The following RASGRF2 variants were observed in gnomAD, a reference collection of about 807,000 sequenced individuals.
RASGRF2 encodes the protein ras-specific guanine nucleotide-releasing factor 2.
In RASGRF2, 76 loss-of-function variants were observed where a neutral mutation model predicts 151.0. That is an observed-to-expected ratio of 0.50 (90% CI 0.42 to 0.61). The LOEUF (loss-of-function observed/expected upper bound fraction) is 0.61, where lower values mean the gene tolerates loss of function less well. Among genes scored for constraint, RASGRF2 ranks in the 20% least tolerant of loss-of-function variants. The probability of loss-of-function intolerance (pLI) is 0.00; values close to 1 mark genes in which losing one functional copy is unlikely to be tolerated. For missense variants in RASGRF2, 1,148 were observed against 1,564.6 expected (o/e 0.73, Z 4.49); for synonymous variants, 504 against 566.5 (o/e 0.89, Z 1.57).
At chr5:81,077,270 G>T (rs1751966884) in intron 5 of RASGRF2, among the ~76,000 whole-genome samples, 1 of 152,202 alleles carries the variant, frequency 6.6e-6, no homozygotes, top group South Asian at 2.1e-4. Context: ...AAGGTCTAGA[G>T]TACAATCAAA....
At chr5:81,159,235 A>C (rs962396812) in intron 17 of RASGRF2, among the ~76,000 whole-genome samples, 2 of 152,240 alleles carry the variant, frequency 1.3e-5, no homozygotes, top group Non-Finnish European at 2.9e-5. Context: ...GCTAAGTTAG[A>C]GGTTGGCAAA....
At chr5:81,206,976 G>A in intron 20 of RASGRF2, 71 bp downstream of exon 20, 1 of 1,268,968 alleles carries the variant, frequency 7.9e-7, no homozygotes, top group Non-Finnish European at 1.2e-6. Context: ...CAATATGCTT[G>A]TAACCGATCA....
At chr5:80,969,488 A>C (rs557152577) in intron 1 of RASGRF2, among the ~76,000 whole-genome samples, 3 of 146,654 alleles carry the variant, frequency 2.0e-5, no homozygotes, top group Non-Finnish European at 4.5e-5. Context: ...TCACTCTGTC[A>C]CCCACGCTGG....
chr5:80,982,570 A>G (rs538878), intron 1 of RASGRF2, among the ~76,000 whole-genome samples: 100,235 of 147,896 alleles, frequency 0.68, 33,947 homozygotes, highest in East Asian at 0.81. Flanking sequence ...AGTGGGATAG[A>G]AATTTGGTTC....
chr5:81,198,988 C>T (rs1297782534), intron 18 of RASGRF2, among the ~76,000 whole-genome samples: 1 of 152,212 alleles, frequency 6.6e-6, no homozygotes, highest in Non-Finnish European at 1.5e-5. Context: ...CTCCAAACTG[C>T]TTTCCACAGG....
intron 22 of RASGRF2, 21 bp downstream of exon 22, chr5:81,208,459 A>G (rs1286899865): frequency 2.5e-6 from 4 of 1,592,614 alleles, no homozygotes; most frequent in Non-Finnish European, 3.4e-6. Context: ...GTAACAGTAA[A>G]ACCGTGGGCG....
At chr5:81,058,500 G>T (rs536361020) in intron 2 of RASGRF2, among the ~76,000 whole-genome samples, 2 of 152,340 alleles carry the variant, frequency 1.3e-5, no homozygotes, top group African/African-American at 4.8e-5. Flanking sequence ...GTGATGCAGA[G>T]TTGGGGGGAT....
chr5:81,135,461 C>T (rs1332383022), intron 17 of RASGRF2, among the ~76,000 whole-genome samples: 2 of 152,168 alleles, frequency 1.3e-5, no homozygotes, highest in Admixed American at 1.3e-4. Flanking sequence ...TTTGCAACTG[C>T]TAATCTCTTT....
At chr5:81,124,336 G>T (rs1300557100) in intron 16 of RASGRF2, among the ~76,000 whole-genome samples, 1 of 152,112 alleles carries the variant, frequency 6.6e-6, no homozygotes, top group African/African-American at 2.4e-5. Context: ...CATTTGTTTA[G>T]TTCCATCATT....
At chr5:81,013,906 G>A (rs1749549502) in intron 1 of RASGRF2, among the ~76,000 whole-genome samples, 1 of 152,028 alleles carries the variant, frequency 6.6e-6, no homozygotes, top group Non-Finnish European at 1.5e-5. Flanking sequence ...GGGTGACAAT[G>A]TTTTGATTGG....
intron 1 of RASGRF2, among the ~76,000 whole-genome samples, chr5:80,991,139 G>C (rs991876486): frequency 5.3e-5 from 8 of 152,110 alleles, no homozygotes; most frequent in African/African-American, 1.7e-4. Flanking sequence ...TCCCCTGGAG[G>C]CCTTGTAAAA....
At chr5:81,049,233 T>C (rs1464538661) in intron 2 of RASGRF2, among the ~76,000 whole-genome samples, 2 of 151,896 alleles carry the variant, frequency 1.3e-5, no homozygotes, top group African/African-American at 4.8e-5. Context: ...CCTCCCCCTT[T>C]ATTCCCCAAG....
intron 1 of RASGRF2, among the ~76,000 whole-genome samples, chr5:81,031,601 T>C (rs1335919715): frequency 6.6e-6 from 1 of 152,094 alleles, no homozygotes; most frequent in South Asian, 2.1e-4. Flanking sequence ...TTGAAACCAA[T>C]GAGAACAAAG....
chr5:81,216,767 G>A lies in RASGRF2; in HGVS notation c.3435-589G>A, dbSNP rs183446490. Among the ~76,000 whole-genome samples, 12 of 152,314 alleles carry A rather than the reference G, an allele frequency of 7.9e-5. No individual in the cohort carries two copies. The East Asian group carries it at 2.3e-3, about 29-fold the overall frequency. ...GAACCCAGCTCCTCCCGCATCAAAA[G>A]CCCATGTGCTTAGCCTCCGGCCTCT... On this transcript the variant is annotated intron_variant, in intron 24 of 26. Coordinates refer to ENST00000265080, the MANE Select transcript of RASGRF2 (RefSeq NM_006909.3).
intron 1 of RASGRF2, among the ~76,000 whole-genome samples, chr5:80,987,840 G>A (rs1224321306): frequency 6.6e-6 from 1 of 151,910 alleles, no homozygotes. Flanking sequence ...TTTTGATCAC[G>A]GTGTGAAATT....
intron 12 of RASGRF2, among the ~76,000 whole-genome samples, chr5:81,106,165 A>C (rs78848215): frequency 0.058 from 8,814 of 152,312 alleles, 312 homozygotes; most frequent in South Asian, 0.14. Context: ...TATTTGCATC[A>C]GAAAATTTAA....
At chr5:81,145,170 A>G (rs1222833765) in intron 17 of RASGRF2, among the ~76,000 whole-genome samples, 1 of 152,202 alleles carries the variant, frequency 6.6e-6, no homozygotes, top group Non-Finnish European at 1.5e-5. Flanking sequence ...TGGAGGTTGC[A>G]GTAAGCCTAG....
intron 1 of RASGRF2, chr5:81,019,553 G>T (rs1455168855): frequency 6.6e-6 from 1 of 152,160 alleles, no homozygotes; most frequent in African/African-American, 2.4e-5. Context: ...TGAGAGGCGA[G>T]GCTTTCATTC....
At chr5:81,174,125 CTGAA>C (rs1324719369) in intron 17 of RASGRF2, among the ~76,000 whole-genome samples, 3 of 152,100 alleles carry the variant, frequency 2.0e-5, no homozygotes, top group South Asian at 4.1e-4. Context: ...AATTTATTGA[CTGAA>C]TGAGAAAAAC....
Sources: gnomAD v4.1 joint callset for allele counts (sites outside exome capture counted in the v4.1 genomes callset) on GRCh38, gnomAD v4.1.1 for gene constraint, MANE v1.5 for transcripts, NCBI Gene and HGNC (gene_info 2026-07-23, HGNC 2026-07-21) for gene names.